Variants in IFNGR2 observed in about 807,000 individuals in gnomAD.
IFNGR2 encodes the protein IFN-gamma receptor 2.
IFNGR2 carries 15 observed loss-of-function variants against 41.1 expected under a neutral mutation model. That is an observed-to-expected ratio of 0.37 (90% CI 0.24 to 0.56). IFNGR2 has a LOEUF of 0.56. Among genes scored for constraint, IFNGR2 ranks in the 20% least tolerant of loss-of-function variants. The pLI, the probability that IFNGR2 is intolerant of heterozygous loss-of-function variation, is 0.81. For missense variants in IFNGR2, 362 were observed against 415.7 expected, an observed-to-expected ratio of 0.87 and a Z score of 1.12; for synonymous variants, 161 against 171.6, an observed-to-expected ratio of 0.94 and a Z score of 0.48.
At chr21:33,407,846 AC>A (rs55734282) in intron 1 of IFNGR2, among the ~76,000 whole-genome samples, 21 of 86,796 alleles carry the variant, frequency 2.4e-4, no homozygotes, top group African/African-American at 5.9e-4. Flanking sequence ...TCCCCACCGC[AC>A]CCCCCCCCGC....
intron 5 of IFNGR2, 32 bp from the exon 6 acceptor site, chr21:33,432,682 T>C: frequency 1.2e-6 from 2 of 1,610,926 alleles, no homozygotes; most frequent in Non-Finnish European, 1.7e-6. Context: ...CGTAGGAAGA[T>C]CATTCTGTTC....
At chr21:33,408,842 A>C (rs1287071515) in intron 1 of IFNGR2, among the ~76,000 whole-genome samples, 4 of 152,178 alleles carry the variant, frequency 2.6e-5, no homozygotes, top group African/African-American at 9.6e-5. Context: ...TAGAGGAAGA[A>C]CAAACTGAGC....
rs1327856309 is a variant in IFNGR2 at position 33,426,930 on chromosome 21, C to T, written c.459C>T (p.Gly153=). 7 of 1,613,418 alleles carry T rather than the reference C, an allele frequency of 4.3e-6. No individual in the cohort carries two copies. Among genetic ancestry groups the T allele is most frequent in the African/African-American group, 1.3e-5 (1 of 74,834 alleles). Residue 153 remains glycine (G), a synonymous_variant, in exon 4 of 7, where the codon GGC becomes GGT. Transcript: ENST00000290219. ...ACATTGAGGTGACCCCAGGAGAAGG[C>T]TCCCTCATCATCAGGTTCTCCTCTC... is the stretch of plus-strand genomic sequence containing the variant. The part of the protein sequence containing the change: ...PENIEVTPGE[G]SLIIRFSSPF...
At chr21:33,418,123 T>C (rs2083766462) in intron 2 of IFNGR2, among the ~76,000 whole-genome samples, 1 of 152,084 alleles carries the variant, frequency 6.6e-6, no homozygotes, top group African/African-American at 2.4e-5. Flanking sequence ...CATTGCAACC[T>C]GCGGCTCACT....
intron 4 of IFNGR2, 26 bp from the exon 5 acceptor site, chr21:33,432,151 G>C (rs748685097): frequency 6.2e-7 from 1 of 1,609,588 alleles, no homozygotes; most frequent in Non-Finnish European, 8.5e-7. Context: ...TCATTTACAT[G>C]TGTGCTTGTG....
At chr21:33,420,621 G>C (rs564066251) in intron 2 of IFNGR2, among the ~76,000 whole-genome samples, 19 of 152,222 alleles carry the variant, frequency 1.2e-4, no homozygotes, top group Non-Finnish European at 2.5e-4. Context: ...CAGAGACTGA[G>C]TTTGAAGTAT....
chr21:33,415,360 G>A (rs953692351), intron 2 of IFNGR2, among the ~76,000 whole-genome samples: 3 of 152,110 alleles, frequency 2.0e-5, no homozygotes, highest in Admixed American at 6.6e-5. Context: ...TTCATCTTCG[G>A]GCTTAAAAAT....
At chr21:33,408,591 A>G (rs2083694495) in intron 1 of IFNGR2, among the ~76,000 whole-genome samples, 1 of 152,154 alleles carries the variant, frequency 6.6e-6, no homozygotes, top group Non-Finnish European at 1.5e-5. Context: ...AGAGTTGTTC[A>G]TTCACCTCTT....
chr21:33,423,828 A>AC (rs112703768), intron 3 of IFNGR2, among the ~76,000 whole-genome samples: 2 of 143,000 alleles, frequency 1.4e-5, no homozygotes, highest in East Asian at 4.1e-4. Flanking sequence ...CCCCATCTCT[A>AC]TTTTTTTTTT....
chr21:33,432,684 A>C (rs772797835), intron 5 of IFNGR2, 30 bp from the exon 6 acceptor site: 2 of 1,611,700 alleles, frequency 1.2e-6, no homozygotes, highest in Non-Finnish European at 1.7e-6. Flanking sequence ...TAGGAAGATC[A>C]TTCTGTTCAC....
At chr21:33,426,247 T>A (rs1237680780) in intron 3 of IFNGR2, among the ~76,000 whole-genome samples, 1 of 151,862 alleles carries the variant, frequency 6.6e-6, no homozygotes, top group Non-Finnish European at 1.5e-5. Flanking sequence ...ACCCTGTCTC[T>A]ACTAAAAATA....
upstream of IFNGR2, chr21:33,403,268 C>T (rs1457624777): frequency 6.4e-6 from 1 of 156,888 alleles, no homozygotes; most frequent in East Asian, 1.9e-4. Context: ...GTGGGGTCCC[C>T]GCGCTGCAGC....
chr21:33,434,395 G>A (rs182524927), intron 6 of IFNGR2, among the ~76,000 whole-genome samples: 6 of 152,178 alleles, frequency 3.9e-5, no homozygotes, highest in South Asian at 4.1e-4. Flanking sequence ...GGTGGTGGGC[G>A]CCTGTAATCC....
At chr21:33,408,394 C>T (rs756208847) in intron 1 of IFNGR2, among the ~76,000 whole-genome samples, 10 of 152,108 alleles carry the variant, frequency 6.6e-5, no homozygotes, top group Non-Finnish European at 1.5e-4. Flanking sequence ...CAGGGTTTCA[C>T]CACGTTGGTC....
In IFNGR2 at chr21:33,426,913, G is replaced by C. The variant is rs766274599; in HGVS notation, c.442G>C (p.Val148Leu). ...TGTCGGGCCTCCAGAAAACATTGAG[G>C]TGACCCCAGGAGAAGGCTCCCTCAT... ...VTVGPPENIE[V>L]TPGEGSLIIR... Residue 148 changes from valine (V) to leucine (L), a missense_variant, in exon 4 of 7, where the codon GTG (valine) becomes CTG (leucine). Coordinates refer to ENST00000290219, the MANE Select transcript of IFNGR2 (RefSeq NM_005534.4). 1.2e-6 allele frequency: 2 copies of C among 1,613,566 alleles called. No individual in the cohort carries two copies. The highest frequency in any genetic ancestry group is 2.2e-5 in the South Asian group (2 of 91,042).
In IFNGR2 at chr21:33,427,065, C is replaced by CTTT. The variant is rs1369321858; in HGVS notation, c.561+35_561+37dup. On this transcript the variant is annotated intron_variant, in intron 4 of 6. Transcript: ENST00000290219. Reference sequence around the variant, plus strand: ...CATCTTTCTTTTTTGTTTGGATTTTCTTTTCTTTGCAGTTTCTGGCTTAGC... The same window carrying CTTT: ...CATCTTTCTTTTTTGTTTGGATTTTCTTTTTTTCTTTGCAGTTTCTGGCTTAGC... 9 of 1,591,120 alleles carry CTTT rather than the reference C, an allele frequency of 5.7e-6. No individual in the cohort carries two copies. In the Admixed American group the frequency reaches 1.5e-4, roughly 27 times the overall value.
At position 33,436,130 on chromosome 21, in the gene IFNGR2, G is replaced by A. The variant is rs530944212; in HGVS notation, c.880-698G>A. On this transcript the variant is annotated intron_variant, in intron 6 of 6. Transcript: ENST00000290219. ...CCCAGCACTTTGGGAGGCCGAGGCG[G>A]GCGGATCACCTGAGGTCAGGAGTTC... 4.4e-4 allele frequency among the ~76,000 whole-genome samples: 66 copies of A among 151,594 alleles called. 2 individuals are homozygous for A. In the South Asian group the frequency reaches 0.011, roughly 25 times the overall value.
chr21:33,421,288 C>T (rs1004764199), intron 2 of IFNGR2, among the ~76,000 whole-genome samples, 192 bp from the exon 3 acceptor site: 1 of 134,680 alleles, frequency 7.4e-6, no homozygotes, highest in African/African-American at 2.8e-5. Flanking sequence ...GCCAAGATTG[C>T]GCTACTGCAC....
At chr21:33,416,605 G>A (rs145264456) in intron 2 of IFNGR2, among the ~76,000 whole-genome samples, 1,871 of 152,128 alleles carry the variant, frequency 0.012, 38 homozygotes, top group South Asian at 0.093. Context: ...GGCGGATCAC[G>A]CGGTGAGGAG....
Sources: gnomAD v4.1 joint callset for allele counts (sites outside exome capture counted in the v4.1 genomes callset) on GRCh38, gnomAD v4.1.1 for gene constraint, MANE v1.5 for transcripts, NCBI Gene and HGNC (gene_info 2026-07-23, HGNC 2026-07-21) for gene names.